Variants in CDADC1 observed in about 807,000 individuals in gnomAD.
CDADC1 encodes the protein dCTP deaminase.
In CDADC1, 39 loss-of-function variants were observed where a neutral mutation model predicts 54.9. The observed-to-expected ratio is 0.71, with a 90% CI of 0.55 to 0.93. The LOEUF (loss-of-function observed/expected upper bound fraction) is 0.93. CDADC1 is among the 40% of genes least tolerant of loss of function. The pLI, the probability that CDADC1 is intolerant of heterozygous loss-of-function variation, is 0.00. For missense variants in CDADC1, 518 were observed against 618.8 expected (o/e 0.84, Z 1.73); for synonymous variants, 186 against 204.0 (o/e 0.91, Z 0.75).
rs186811565 is a variant in CDADC1 at position 49,277,704 on chromosome 13, A to T, written c.1051-646A>T. On this transcript the variant is annotated intron_variant, in intron 6 of 9. Transcript: ENST00000251108. ...TTCTAATAATTGATAAAGCATTCAT[A>T]TTAACTACTATTTCTCTTTAAAAGA... Among the ~76,000 whole-genome samples the T allele has an allele frequency of 3.9e-5, 6 of 152,368 alleles. No homozygotes were observed. In the East Asian group the frequency reaches 9.6e-4, roughly 24 times the overall value.
At chr13:49,274,798 A>G (rs1471618615) in intron 6 of CDADC1, among the ~76,000 whole-genome samples, 1 of 152,222 alleles carries the variant, frequency 6.6e-6, no homozygotes, top group Non-Finnish European at 1.5e-5. Context: ...CACTCTCTAC[A>G]GGTTAGGCAC....
Position 49,248,266 on chromosome 13 carries a change from T to A in CDADC1, c.82+147T>A, listed in dbSNP as rs1450175360. The A allele has an allele frequency of 5.8e-6, 4 of 690,486 alleles. No individual in the cohort carries two copies. The African/African-American group carries it at 7.2e-5, about 12-fold the overall frequency. The allele number at this position is 690,486 out of a possible 1,614,324, so 42.8% of individuals were successfully genotyped here. ...TCCTGCCCGCCCTCTGCGTGTCCCC[T>A]CCGCGGTCGCCAGGACCAATCGGCT... On this transcript the variant is annotated intron_variant, in intron 1 of 9. Transcript: ENST00000251108.
At chr13:49,264,597 C>T (rs1566360191) in intron 4 of CDADC1, among the ~76,000 whole-genome samples, 1 of 148,682 alleles carries the variant, frequency 6.7e-6, no homozygotes, top group Non-Finnish European at 1.5e-5. Context: ...GTGGTGCACA[C>T]CTGCAATCAC....
At chr13:49,264,279 G>A (rs1593808348) in intron 4 of CDADC1, among the ~76,000 whole-genome samples, 1 of 152,120 alleles carries the variant, frequency 6.6e-6, no homozygotes, top group African/African-American at 2.4e-5. Context: ...TAGAAATTAT[G>A]CATGATTATA....
intron 5 of CDADC1, among the ~76,000 whole-genome samples, chr13:49,268,807 T>C (rs749962298): frequency 1.2e-4 from 18 of 152,228 alleles, no homozygotes; most frequent in Non-Finnish European, 1.9e-4. Flanking sequence ...GGTAAAGGAA[T>C]GGTGATTATT....
chr13:49,260,086 C>G (rs1287994259), intron 4 of CDADC1, among the ~76,000 whole-genome samples: 1 of 151,938 alleles, frequency 6.6e-6, no homozygotes, highest in Non-Finnish European at 1.5e-5. Context: ...AGAGCAAGAC[C>G]CTGTCTCTAA....
intron 2 of CDADC1, among the ~76,000 whole-genome samples, chr13:49,251,981 T>G (rs1319869997): frequency 2.0e-5 from 3 of 152,220 alleles, no homozygotes; most frequent in Non-Finnish European, 4.4e-5. Context: ...GGATCTTATT[T>G]AGAAATCTGA....
At chr13:49,261,393 A>AT (rs1229346645) in intron 4 of CDADC1, among the ~76,000 whole-genome samples, 3 of 152,086 alleles carry the variant, frequency 2.0e-5, no homozygotes, top group Non-Finnish European at 4.4e-5. Context: ...TGGTGGTGGC[A>AT]TTTTTTTCAC....
chr13:49,290,904 G>A (rs1182388081), intron 9 of CDADC1, among the ~76,000 whole-genome samples: 1 of 152,100 alleles, frequency 6.6e-6, no homozygotes, highest in Admixed American at 6.5e-5. Flanking sequence ...CTTTAAACAT[G>A]TATCATTTAT....
chr13:49,263,246 A>C (rs1952727224), intron 4 of CDADC1, among the ~76,000 whole-genome samples: 1 of 152,208 alleles, frequency 6.6e-6, no homozygotes, highest in South Asian at 2.1e-4. Flanking sequence ...CCAGTGATAA[A>C]ATTTGAGCTA....
At chr13:49,290,058 TATAA>T (rs1002629073) in intron 9 of CDADC1, among the ~76,000 whole-genome samples, 3 of 151,670 alleles carry the variant, frequency 2.0e-5, no homozygotes, top group South Asian at 2.1e-4. Flanking sequence ...TCAAAAAATA[TATAA>T]ATAAATAAAT....
At position 49,257,760 on chromosome 13, in the gene CDADC1, A is replaced by AAATC. The variant is rs536095687; in HGVS notation, c.253-1564_253-1561dup. Among the ~76,000 whole-genome samples, 505 of 152,096 alleles carry AAATC rather than the reference A, an allele frequency of 3.3e-3. 2 individuals are homozygous for AAATC. The highest frequency in any genetic ancestry group is 0.011 in the African/African-American group (441 of 41,514). ...CTGGGCGACAGAGTGAGACTGTCTC[A>AAATC]AATCAATCAATCAATCAATCAATCA... is the stretch of plus-strand genomic sequence containing the variant. On this transcript the variant is annotated intron_variant, in intron 3 of 9. Coordinates refer to ENST00000251108, the MANE Select transcript of CDADC1 (RefSeq NM_030911.4).
chr13:49,258,369 C>T (rs1952598532), intron 3 of CDADC1, among the ~76,000 whole-genome samples: 1 of 152,228 alleles, frequency 6.6e-6, no homozygotes, highest in Non-Finnish European at 1.5e-5. Context: ...GGTTTACATT[C>T]CTTACTTCAG....
At chr13:49,284,228 A>G (rs1953440934) in intron 8 of CDADC1, among the ~76,000 whole-genome samples, 1 of 152,184 alleles carries the variant, frequency 6.6e-6, no homozygotes, top group Non-Finnish European at 1.5e-5. Context: ...CTATTAGGTT[A>G]TATTACTTAT....
chr13:49,287,349 T>C (rs983858338), intron 9 of CDADC1, among the ~76,000 whole-genome samples: 1 of 152,252 alleles, frequency 6.6e-6, no homozygotes, highest in Non-Finnish European at 1.5e-5. Flanking sequence ...TATATTGATT[T>C]TCAGTGTTCT....
At position 49,280,570 on chromosome 13, in the gene CDADC1, G is replaced by A. The variant is rs1953291770; in HGVS notation, c.1282G>A (p.Glu428Lys). 3 of 1,527,522 alleles carry A rather than the reference G, an allele frequency of 2.0e-6. No homozygotes were observed. In the East Asian group the frequency reaches 7.3e-5, roughly 37 times the overall value. 94.6% of individuals were successfully genotyped at this position (1,527,522 alleles called of 1,614,324 possible). Residue 428 changes from glutamate (E) to lysine (K), a missense_variant, in exon 8 of 10, where the codon GAG (glutamate) becomes AAG (lysine). Transcript: ENST00000251108. ...MIFVTKCPCDECVPLIKGAGI... is the reference protein window; with the variant it reads ...MIFVTKCPCDKCVPLIKGAGI... ...TTTTGTGACAAAGTGCCCATGTGAT[G>A]AGTGTGTACCTTTAATTAAAGGTGC...
chr13:49,269,542 T>C (rs544805903), intron 5 of CDADC1, among the ~76,000 whole-genome samples: 1 of 152,334 alleles, frequency 6.6e-6, no homozygotes, highest in Non-Finnish European at 1.5e-5. Context: ...AAAAGTCTGG[T>C]TTCATGTAAT....
chr13:49,270,338 G>A (rs969721298), intron 5 of CDADC1, among the ~76,000 whole-genome samples: 6 of 151,730 alleles, frequency 4.0e-5, no homozygotes, highest in African/African-American at 1.2e-4. Context: ...CTCCCACATC[G>A]ACCTCCTGAG....
chr13:49,248,059 C>T lies in CDADC1; in HGVS notation c.22C>T (p.Gln8Ter), dbSNP rs1487297570. 2 of 1,553,662 alleles carry T rather than the reference C, an allele frequency of 1.3e-6. No individual in the cohort carries two copies. The highest frequency in any genetic ancestry group is 2.0e-5 in the Admixed American group (1 of 51,224). The change falls in exon 1 of 10, where the codon CAA becomes TAA. Residue 8 changes from glutamine to a stop codon, truncating the protein, a stop_gained. Transcript: ENST00000251108. LOFTEE classifies it high-confidence loss of function. ...TGGGATGAAAGAAGCTGGGCAGATG[C>T]AAAATCTGGAGAGCGCGAGGGCCGG... Reference protein sequence around the residue: MKEAGQMQNLESARAGRS... With the variant: MKEAGQM
Sources: gnomAD v4.1 joint callset for allele counts (sites outside exome capture counted in the v4.1 genomes callset) on GRCh38, gnomAD v4.1.1 for gene constraint, MANE v1.5 for transcripts, NCBI Gene and HGNC (gene_info 2026-07-23, HGNC 2026-07-21) for gene names.